Variants in GRIA1 observed in about 807,000 individuals in gnomAD.
The protein encoded by GRIA1 is glutamate ionotropic receptor AMPA type subunit 1.
In GRIA1, 31 loss-of-function variants were observed where a neutral mutation model predicts 99.2. The ratio of observed to expected loss-of-function variants is 0.31; its 90% CI spans 0.23 to 0.42. The LOEUF is 0.42. GRIA1 is among the 10% of genes least tolerant of loss of function. The pLI is 1.00. For synonymous variants in GRIA1, 438 were observed against 432.4 expected (o/e 1.01, Z -0.16); for missense variants, 782 against 1,157.5 (o/e 0.68, Z 4.71).
chr5:153,769,842 C>A (rs1763755524), intron 12 of GRIA1, among the ~76,000 whole-genome samples: 1 of 152,060 alleles, frequency 6.6e-6, no homozygotes, highest in South Asian at 2.1e-4. Flanking sequence ...CCTTATTGAA[C>A]AATAGATAGG....
chr5:153,580,287 T>TCGAGC (rs994185997), intron 2 of GRIA1, among the ~76,000 whole-genome samples: 61 of 152,212 alleles, frequency 4.0e-4, no homozygotes, highest in African/African-American at 1.5e-3. Context: ...GGGTCTGACC[T>TCGAGC]CGAGCCTGAC....
At chr5:153,527,539 G>A (rs1757715371) in intron 2 of GRIA1, among the ~76,000 whole-genome samples, 2 of 152,136 alleles carry the variant, frequency 1.3e-5, no homozygotes, top group African/African-American at 4.8e-5. Flanking sequence ...TTCCAGAGGA[G>A]TGTGTAACCT....
chr5:153,526,068 G>T (rs1464580454), intron 2 of GRIA1, among the ~76,000 whole-genome samples: 1 of 152,158 alleles, frequency 6.6e-6, no homozygotes, highest in Non-Finnish European at 1.5e-5. Context: ...GCCTCAGTGG[G>T]TCTAGATTTC....
chr5:153,557,305 C>T (rs1760736887), intron 2 of GRIA1, among the ~76,000 whole-genome samples: 1 of 152,176 alleles, frequency 6.6e-6, no homozygotes, highest in African/African-American at 2.4e-5. Flanking sequence ...ACTCTTGTCA[C>T]CCAGGCTAGA....
chr5:153,766,120 C>CTTAA (rs972196281), intron 12 of GRIA1, among the ~76,000 whole-genome samples: 3 of 152,170 alleles, frequency 2.0e-5, no homozygotes, highest in Non-Finnish European at 4.4e-5. Context: ...GGAACAAAGC[C>CTTAA]TTAAGCATCA....
At chr5:153,608,054 C>G (rs1210899971) in intron 2 of GRIA1, among the ~76,000 whole-genome samples, 1 of 152,016 alleles carries the variant, frequency 6.6e-6, no homozygotes, top group African/African-American at 2.4e-5. Flanking sequence ...TAGTCTACAT[C>G]ACAGTTATTC....
At chr5:153,661,800 G>A (rs1011186959) in intron 5 of GRIA1, among the ~76,000 whole-genome samples, 2 of 152,206 alleles carry the variant, frequency 1.3e-5, no homozygotes, top group Admixed American at 6.5e-5. Context: ...TATGAATTTA[G>A]TTATGAATAT....
intron 11 of GRIA1, among the ~76,000 whole-genome samples, chr5:153,747,773 C>G (rs1762254879): frequency 6.6e-6 from 1 of 152,144 alleles, no homozygotes; most frequent in Non-Finnish European, 1.5e-5. Flanking sequence ...CAAAGTTTTC[C>G]CAGTGGGGTG....
chr5:153,526,357 T>G (rs1288356737), intron 2 of GRIA1, among the ~76,000 whole-genome samples: 3 of 152,212 alleles, frequency 2.0e-5, no homozygotes, highest in Admixed American at 6.5e-5. Context: ...GCCAATATAG[T>G]AAAGCAAAAT....
Position 153,812,676 on chromosome 5 carries a change from C to A in GRIA1, c.*1451C>A. Reference sequence around the variant, plus strand: ...TATACGTATGATTGGGGCTACAAAGCTGAACTAAAGCAAGATTGGTGAAGT... The same window carrying A: ...TATACGTATGATTGGGGCTACAAAGATGAACTAAAGCAAGATTGGTGAAGT... On this transcript the variant is annotated 3_prime_UTR_variant, in exon 16 of 16. Coordinates refer to ENST00000285900, the MANE Select transcript of GRIA1 (RefSeq NM_000827.4). 6.6e-6 allele frequency: 1 copy of A among 152,218 alleles called. No individual in the cohort carries two copies. The allele number at this position is 152,218 out of a possible 1,614,324, so 9.4% of individuals were successfully genotyped here. A position where few individuals can be genotyped will look rare whatever the true frequency, so the allele number is the denominator to read the frequency against.
At chr5:153,794,030 G>A (rs1430181740) in intron 13 of GRIA1, among the ~76,000 whole-genome samples, 1 of 152,178 alleles carries the variant, frequency 6.6e-6, no homozygotes, top group Admixed American at 6.5e-5. Flanking sequence ...ACCTTAATCT[G>A]ACTCTGTCCT....
intron 13 of GRIA1, among the ~76,000 whole-genome samples, chr5:153,775,581 C>A (rs6872498): frequency 0.023 from 3,525 of 152,208 alleles, 121 homozygotes; most frequent in African/African-American, 0.078. Flanking sequence ...TTAGCTTCAC[C>A]GATTGGTTTC....
At chr5:153,644,531 ACT>A (rs1349646480) in intron 2 of GRIA1, among the ~76,000 whole-genome samples, 4 of 152,236 alleles carry the variant, frequency 2.6e-5, no homozygotes, top group East Asian at 3.9e-4. Context: ...TGTCCCAGAC[ACT>A]CTGCTGGCTT....
In GRIA1 at chr5:153,554,138, C is replaced by T. The variant is rs556905844; in HGVS notation, c.220+60073C>T. Among the ~76,000 whole-genome samples the T allele has an allele frequency of 1.2e-4, 18 of 152,290 alleles. No homozygotes were observed. The South Asian group carries it at 3.7e-3, about 32-fold the overall frequency. On this transcript the variant is annotated intron_variant, in intron 2 of 15. Coordinates refer to ENST00000285900, the MANE Select transcript of GRIA1 (RefSeq NM_000827.4). Reference sequence around the variant, plus strand: ...GTTGAGTTGTAAGTTATGTGGCAGCCTCTCCTTTCAGGTGAGAATGAAGCA... The same window carrying T: ...GTTGAGTTGTAAGTTATGTGGCAGCTTCTCCTTTCAGGTGAGAATGAAGCA...
chr5:153,533,494 C>T (rs775247975), intron 2 of GRIA1, among the ~76,000 whole-genome samples: 7 of 152,078 alleles, frequency 4.6e-5, no homozygotes, highest in Non-Finnish European at 7.4e-5. Flanking sequence ...CCTCTAGATA[C>T]ATTCATTTTT....
chr5:153,710,167 G>A (rs1036986719), intron 11 of GRIA1, among the ~76,000 whole-genome samples: 3 of 151,462 alleles, frequency 2.0e-5, no homozygotes, highest in Non-Finnish European at 4.4e-5. Context: ...TTTTTAATTA[G>A]GTTGATGGTG....
intron 8 of GRIA1, among the ~76,000 whole-genome samples, chr5:153,690,551 C>T (rs955810896): frequency 2.0e-5 from 3 of 152,160 alleles, no homozygotes; most frequent in African/African-American, 7.2e-5. Context: ...GCTCCTGGCA[C>T]GTAGCGGACA....
At chr5:153,809,654 G>C (rs1394932518) in intron 15 of GRIA1, among the ~76,000 whole-genome samples, 1 of 152,192 alleles carries the variant, frequency 6.6e-6, no homozygotes, top group African/African-American at 2.4e-5. Context: ...AAATTCAAAA[G>C]CATCATTATG....
At chr5:153,751,126 A>G (rs1467907823) in intron 11 of GRIA1, among the ~76,000 whole-genome samples, 2 of 152,220 alleles carry the variant, frequency 1.3e-5, no homozygotes, top group African/African-American at 2.4e-5. Context: ...AAGTAAGCAC[A>G]AAGAGATGTA....
Sources: gnomAD v4.1 joint callset for allele counts (sites outside exome capture counted in the v4.1 genomes callset) on GRCh38, gnomAD v4.1.1 for gene constraint, MANE v1.5 for transcripts, NCBI Gene and HGNC (gene_info 2026-07-23, HGNC 2026-07-21) for gene names.